KCNQ1: variants seen among roughly 807,000 people sequenced by gnomAD.
KCNQ1 encodes potassium voltage-gated channel subfamily Q member 1.
A neutral mutation model predicts 72.4 loss-of-function variants in KCNQ1; 49 were observed. The observed-to-expected ratio is 0.68, with a 90% CI of 0.54 to 0.86. The LOEUF (loss-of-function observed/expected upper bound fraction) is 0.86. Ranked by LOEUF, KCNQ1 falls within the 40% of genes least tolerant of loss-of-function variation. KCNQ1 has a pLI of 0.00. For missense variants in KCNQ1, 790 were observed against 945.1 expected, an observed-to-expected ratio of 0.84 and a Z score of 2.15; for synonymous variants, 450 against 412.6, an observed-to-expected ratio of 1.09 and a Z score of -1.10.
At position 2,651,635 on chromosome 11, in the gene KCNQ1, G is replaced by C; in HGVS notation, c.1394-10326G>C. On this transcript the variant is annotated intron_variant, in intron 10 of 15. Transcript: ENST00000155840. This position sits in a 1 kb window ranked among gnomAD's most constrained non-coding sequence, Gnocchi z 6.1. ...TTTGCTGATCTGCCTGCCCCACCTG[G>C]GGTCTCTGTCTCTCCCACAGCTCAC... The C allele has an allele frequency of 1.0e-5, 4 of 398,668 alleles. No individual in the cohort carries two copies. The highest frequency in any genetic ancestry group is 1.8e-5 in the Non-Finnish European group (4 of 226,094). 24.7% of individuals were successfully genotyped at this position (398,668 alleles called of 1,614,324 possible).
intron 2 of KCNQ1, among the ~76,000 whole-genome samples, chr11:2,533,198 C>T (rs1181695618): frequency 2.0e-5 from 3 of 152,218 alleles, no homozygotes; most frequent in Non-Finnish European, 4.4e-5. Context: ...TTTGCAGTGC[C>T]AGAAAGCTGT....
chr11:2,547,792 G>A lies in KCNQ1; in HGVS notation c.477+19774G>A, dbSNP rs1311019638. Among the ~76,000 whole-genome samples the A allele has an allele frequency of 2.0e-5, 3 of 152,214 alleles. No individual in the cohort carries two copies. The highest frequency in any genetic ancestry group is 4.4e-5 in the Non-Finnish European group (3 of 68,046). On this transcript the variant is annotated intron_variant, in intron 2 of 15. Transcript: ENST00000155840. This position sits in a 1 kb window ranked among gnomAD's most constrained non-coding sequence, Gnocchi z 4.2. ...GTGGCATGGAAGGGGAGGGGCGGCA[G>A]TTCTCAGTGGAGCGGCCGGGCTGCG...
chr11:2,836,514 C>T (rs11024285), intron 15 of KCNQ1, among the ~76,000 whole-genome samples: 2,150 of 152,324 alleles, frequency 0.014, 20 homozygotes, highest in Admixed American at 0.021. Flanking sequence ...CCCCTCCCCC[C>T]GAACACCAGC....
chr11:2,653,459 C>T lies in KCNQ1; in HGVS notation c.1394-8502C>T, dbSNP rs1849789093. On this transcript the variant is annotated intron_variant, in intron 10 of 15. Transcript: ENST00000155840. This position sits in a 1 kb window ranked among gnomAD's most constrained non-coding sequence, Gnocchi z 5.3. The stretch of plus-strand genomic sequence containing the variant: ...CAAAAGGGACATTTTTTGGCTCACA[C>T]AGCTGGACCCAGCTGTTTCAGACAC... 1 of 397,660 alleles carries T rather than the reference C, an allele frequency of 2.5e-6. No individual in the cohort carries two copies. The highest frequency in any genetic ancestry group is 4.4e-6 in the Non-Finnish European group (1 of 225,944). The allele number at this position is 397,660 out of a possible 1,614,324, so 24.6% of individuals were successfully genotyped here.
At chr11:2,502,760 G>A (rs1049602254) in intron 1 of KCNQ1, among the ~76,000 whole-genome samples, 3 of 152,096 alleles carry the variant, frequency 2.0e-5, no homozygotes, top group Non-Finnish European at 4.4e-5. Flanking sequence ...AAACTGGAGG[G>A]AGCACATTAC....
chr11:2,530,610 G>A (rs1477828930), intron 2 of KCNQ1, among the ~76,000 whole-genome samples: 1 of 152,348 alleles, frequency 6.6e-6, no homozygotes, highest in East Asian at 1.9e-4. Flanking sequence ...GTGTGCTTAA[G>A]TGTGCATCTG....
intron 15 of KCNQ1, among the ~76,000 whole-genome samples, chr11:2,839,214 CTG>C (rs1367136042): frequency 2.0e-5 from 3 of 152,220 alleles, no homozygotes; most frequent in African/African-American, 4.8e-5. Context: ...TCCCTGGCCT[CTG>C]GGTGCACCTG....
chr11:2,602,502 TC>T lies in KCNQ1; in HGVS notation c.1393+13650del, dbSNP rs1478394396. The stretch of plus-strand genomic sequence containing the variant: ...TTATAAGAAACTACCAAACTGATTT[TC>T]CAGAGTGACTGCACCATTTCACATT... On this transcript the variant is annotated intron_variant, in intron 10 of 15. Coordinates refer to ENST00000155840, the MANE Select transcript of KCNQ1 (RefSeq NM_000218.3). This position sits in a 1 kb window ranked among gnomAD's most constrained non-coding sequence, Gnocchi z 4.8. 6.6e-6 allele frequency among the ~76,000 whole-genome samples: 1 copy of T among 152,230 alleles called. No homozygotes were observed. The highest frequency in any genetic ancestry group is 6.5e-5 in the Admixed American group (1 of 15,284).
chr11:2,744,409 G>A (rs1241634387), intron 11 of KCNQ1, among the ~76,000 whole-genome samples: 1 of 152,222 alleles, frequency 6.6e-6, no homozygotes, highest in East Asian at 1.9e-4. Flanking sequence ...TCTTGCTCCA[G>A]TACTGCAGAG....
Position 2,536,356 on chromosome 11 carries a change from C to G in KCNQ1, c.477+8338C>G, listed in dbSNP as rs575473298. The stretch of plus-strand genomic sequence containing the variant: ...GAGTCTCTCGTGCACCATTGCTCAA[C>G]CCCCGAGAGTTATGGAAGGAAGGGA... On this transcript the variant is annotated intron_variant, in intron 2 of 15. Transcript: ENST00000155840. The surrounding 1 kb of genome is among the most constrained non-coding windows in gnomAD (Gnocchi z 7.4). Among the ~76,000 whole-genome samples the G allele has an allele frequency of 1.3e-5, 2 of 152,290 alleles. No individual in the cohort carries two copies. Among genetic ancestry groups the G allele is most frequent in the Admixed American group, 1.3e-4 (2 of 15,296 alleles).
At chr11:2,504,047 A>G (rs1179262112) in intron 1 of KCNQ1, among the ~76,000 whole-genome samples, 1 of 152,250 alleles carries the variant, frequency 6.6e-6, no homozygotes, top group Admixed American at 6.5e-5. Context: ...TTGCAGCACT[A>G]TTCACAATAG....
In KCNQ1 at chr11:2,482,724, A is replaced by G. The variant is rs868194650; in HGVS notation, c.386+37240A>G. Among the ~76,000 whole-genome samples the G allele has an allele frequency of 5.3e-5, 8 of 152,154 alleles. 1 individual carries two copies. The South Asian group carries it at 8.3e-4, about 16-fold the overall frequency. On this transcript the variant is annotated intron_variant, in intron 1 of 15. Transcript: ENST00000155840. The surrounding 1 kb of genome is among the most constrained non-coding windows in gnomAD (Gnocchi z 5.7). ...GCCATTATGATGAAGCAAAAATAGA[A>G]TATCCTTCCTCCTCTTAGTGAGGGG... is the stretch of plus-strand genomic sequence containing the variant.
At position 2,679,860 on chromosome 11, in the gene KCNQ1, A is replaced by G; in HGVS notation, c.1514+17779A>G. On this transcript the variant is annotated intron_variant, in intron 11 of 15. Transcript: ENST00000155840. This position sits in a 1 kb window ranked among gnomAD's most constrained non-coding sequence, Gnocchi z 4.8. Reference sequence around the variant, plus strand: ...ATTTTATAGGACATGCATTTTTTTCATATAAACTTAGAACTAGCACGCCTA... The same window carrying G: ...ATTTTATAGGACATGCATTTTTTTCGTATAAACTTAGAACTAGCACGCCTA... 1 of 398,468 alleles carries G rather than the reference A, an allele frequency of 2.5e-6. No individual in the cohort carries two copies. Among genetic ancestry groups the G allele is most frequent in the Non-Finnish European group, 4.4e-6 (1 of 226,026 alleles). The allele number at this position is 398,468 out of a possible 1,614,324, so 24.7% of individuals were successfully genotyped here.
intron 10 of KCNQ1, among the ~76,000 whole-genome samples, chr11:2,591,883 CCT>C (rs2133765576): frequency 6.6e-6 from 1 of 152,374 alleles, no homozygotes; most frequent in African/African-American, 2.4e-5. Context: ...CAGAGCGACC[CCT>C]GATAATCCGG....
chr11:2,522,008 C>A (rs1208394810), intron 1 of KCNQ1, among the ~76,000 whole-genome samples: 2 of 152,268 alleles, frequency 1.3e-5, no homozygotes, highest in South Asian at 4.1e-4. Flanking sequence ...CGGGCTATGA[C>A]CCTGGCAGGG....
Position 2,478,296 on chromosome 11 carries a change from T to TAAGTGGGAGTCTATGATTCCA in KCNQ1, c.386+32813_386+32833dup, listed in dbSNP as rs1318903450. ...AAGGGGAAGGAAGAAATGTGATGCC[T>TAAGTGGGAGTCTATGATTCCA]AAGTGGGAGTCTATGATTCCACTAT... On this transcript the variant is annotated intron_variant, in intron 1 of 15. Transcript: ENST00000155840. This position sits in a 1 kb window ranked among gnomAD's most constrained non-coding sequence, Gnocchi z 4.0. Among the ~76,000 whole-genome samples the TAAGTGGGAGTCTATGATTCCA allele has an allele frequency of 6.6e-6, 1 of 152,188 alleles. No homozygotes were observed. Among genetic ancestry groups the TAAGTGGGAGTCTATGATTCCA allele is most frequent in the African/African-American group, 2.4e-5 (1 of 41,438 alleles).
rs568647954 is a variant in KCNQ1, at chr11:2,800,246, C to T, written c.1794+22209C>T. ...GCCACTTCCTGCTCCATCCCAGTGG[C>T]CTGAGGGTGTGGGAGGGACAGAGGC... On this transcript the variant is annotated intron_variant, in intron 15 of 15. Coordinates refer to ENST00000155840, the MANE Select transcript of KCNQ1 (RefSeq NM_000218.3). Among the ~76,000 whole-genome samples the T allele has an allele frequency of 2.6e-5, 4 of 152,344 alleles. No individual in the cohort carries two copies. The East Asian group carries it at 5.8e-4, about 22-fold the overall frequency.
chr11:2,492,582 A>G lies in KCNQ1; in HGVS notation c.387-35346A>G, dbSNP rs1182647184. Reference sequence around the variant, plus strand: ...TGTGTCCGTGTATTCTCATTGTTCAACTTCCACTTATGAGTGAGAACATAT... The same window carrying G: ...TGTGTCCGTGTATTCTCATTGTTCAGCTTCCACTTATGAGTGAGAACATAT... On this transcript the variant is annotated intron_variant, in intron 1 of 15. Coordinates refer to ENST00000155840, the MANE Select transcript of KCNQ1 (RefSeq NM_000218.3). The surrounding 1 kb of genome is among the most constrained non-coding windows in gnomAD (Gnocchi z 4.1). Among the ~76,000 whole-genome samples, 2 of 151,998 alleles carry G rather than the reference A, an allele frequency of 1.3e-5. No homozygotes were observed. Among genetic ancestry groups the G allele is most frequent in the African/African-American group, 2.4e-5 (1 of 41,358 alleles).
Position 2,526,302 on chromosome 11 carries a change from CAG to C in KCNQ1, c.387-1625_387-1624del, listed in dbSNP as rs939593747. ...TGAGGATGGATGGGCAGGGTGCAGA[CAG>C]GGGCTGGCTGGGTTCGGCTCTGCAG... On this transcript the variant is annotated intron_variant, in intron 1 of 15. Coordinates refer to ENST00000155840, the MANE Select transcript of KCNQ1 (RefSeq NM_000218.3). The surrounding 1 kb of genome is among the most constrained non-coding windows in gnomAD (Gnocchi z 6.1). Among the ~76,000 whole-genome samples, 3 of 151,944 alleles carry C rather than the reference CAG, an allele frequency of 2.0e-5. No homozygotes were observed. The highest frequency in any genetic ancestry group is 7.3e-5 in the African/African-American group (3 of 41,376).
Sources: gnomAD v4.1 joint callset for allele counts (sites outside exome capture counted in the v4.1 genomes callset) on GRCh38, gnomAD v4.1.1 for gene constraint, Gnocchi (gnomAD v3.1) non-coding constraint, MANE v1.5 for transcripts, NCBI Gene and HGNC (gene_info 2026-07-23, HGNC 2026-07-21) for gene names.